AKAP19: variants seen among roughly 807,000 people sequenced by gnomAD.
The protein encoded by AKAP19 is A-kinase anchoring protein 19, also known as small A-kinase anchoring protein.
At chr2:190,108,786 T>TG in the AKAP19 span, among the ~76,000 whole-genome samples, 1 of 146,652 alleles carries the variant, frequency 6.8e-6, no homozygotes, top group East Asian at 1.9e-4. Flanking sequence ...GTTTGCGGTT[T>TG]TTTTTTTTTT....
the AKAP19 span, among the ~76,000 whole-genome samples, chr2:190,002,392 G>A: frequency 6.6e-6 from 1 of 152,000 alleles, no homozygotes; most frequent in Non-Finnish European, 1.5e-5. Context: ...ACTCCCATTA[G>A]TTTCTATTCA....
At chr2:190,055,004 T>C in the AKAP19 span, among the ~76,000 whole-genome samples, 1 of 152,192 alleles carries the variant, frequency 6.6e-6, no homozygotes, top group Non-Finnish European at 1.5e-5. Flanking sequence ...CTATAAATCA[T>C]GCTGCTATAA....
At chr2:189,916,447 G>A in the AKAP19 span, among the ~76,000 whole-genome samples, 1 of 150,576 alleles carries the variant, frequency 6.6e-6, no homozygotes, top group Non-Finnish European at 1.5e-5. Context: ...TCAGCCTCCT[G>A]AATAGCTCAG....
At chr2:190,166,905 A>G in the AKAP19 span, among the ~76,000 whole-genome samples, 1 of 152,080 alleles carries the variant, frequency 6.6e-6, no homozygotes, top group Admixed American at 6.5e-5. Flanking sequence ...AAGAAAGAAA[A>G]AAGAAAGAAA....
At chr2:190,146,248 A>G in the AKAP19 span, among the ~76,000 whole-genome samples, 1 of 152,132 alleles carries the variant, frequency 6.6e-6, no homozygotes, top group Non-Finnish European at 1.5e-5. Context: ...TTGGTTTTCC[A>G]TAACTGAGTT....
the AKAP19 span, among the ~76,000 whole-genome samples, chr2:189,945,280 A>C: frequency 6.6e-6 from 1 of 152,210 alleles, no homozygotes; most frequent in East Asian, 1.9e-4. Context: ...AAAACAAAAC[A>C]AAACAGTTCA....
At chr2:190,156,818 A>G in the AKAP19 span, among the ~76,000 whole-genome samples, 1 of 152,202 alleles carries the variant, frequency 6.6e-6, no homozygotes, top group African/African-American at 2.4e-5. Context: ...TCATTGTTTC[A>G]GTCTTTCAAA....
At chr2:190,143,058 G>A in the AKAP19 span, among the ~76,000 whole-genome samples, 1 of 152,086 alleles carries the variant, frequency 6.6e-6, no homozygotes, top group South Asian at 2.1e-4. Flanking sequence ...GGGCGGGGGT[G>A]TGTGATTTAG....
At chr2:189,924,161 A>G in the AKAP19 span, 1 of 1,610,220 alleles carries the variant, frequency 6.2e-7, no homozygotes, top group Non-Finnish European at 8.5e-7. Context: ...GATGAAAAAG[A>G]GGCTGAGGAA....
chr2:189,956,168 C>CTTTCTTTTCTTT, the AKAP19 span, among the ~76,000 whole-genome samples: 1 of 4,344 alleles, frequency 2.3e-4, no homozygotes, highest in African/African-American at 6.7e-4. Flanking sequence ...AGTATATTTT[C>CTTTCTTTTCTTT]TTTTTTTTCT....
chr2:190,078,283 C>G, the AKAP19 span, among the ~76,000 whole-genome samples: 6 of 152,176 alleles, frequency 3.9e-5, no homozygotes, highest in African/African-American at 1.4e-4. Context: ...GAATTATAGT[C>G]TTATGCTGCC....
the AKAP19 span, among the ~76,000 whole-genome samples, chr2:190,055,445 G>A: frequency 3.9e-5 from 6 of 151,988 alleles, no homozygotes; most frequent in South Asian, 6.3e-4. Context: ...AAACCTGCAC[G>A]TTGTGCACAT....
chr2:190,071,242 G>T, the AKAP19 span, among the ~76,000 whole-genome samples: 27 of 152,120 alleles, frequency 1.8e-4, no homozygotes, highest in African/African-American at 6.3e-4. Context: ...GAGGCCAGGA[G>T]TTCAAGACCA....
At chr2:189,911,108 G>A in the AKAP19 span, among the ~76,000 whole-genome samples, 8 of 152,046 alleles carry the variant, frequency 5.3e-5, no homozygotes, top group African/African-American at 1.9e-4. Context: ...AAGGTGGAAG[G>A]AAAGAAGACT....
the AKAP19 span, among the ~76,000 whole-genome samples, chr2:190,124,946 G>A: frequency 2.6e-5 from 4 of 151,950 alleles, no homozygotes; most frequent in African/African-American, 9.7e-5. Flanking sequence ...GGCCTACACA[G>A]GGTCAGAATC....
At chr2:190,023,801 A>G in the AKAP19 span, among the ~76,000 whole-genome samples, 7,306 of 136,272 alleles carry the variant, frequency 0.054, 222 homozygotes, top group African/African-American at 0.09. Flanking sequence ...GTGTGTATAT[A>G]TATATATATA....
chr2:190,104,342 TA>T, the AKAP19 span, among the ~76,000 whole-genome samples: 1 of 152,168 alleles, frequency 6.6e-6, no homozygotes, highest in Non-Finnish European at 1.5e-5. Context: ...AAGTAGGATG[TA>T]ATTAAACCAA....
chr2:189,969,875 T>C, the AKAP19 span, among the ~76,000 whole-genome samples: 5 of 142,974 alleles, frequency 3.5e-5, no homozygotes, highest in Middle Eastern at 3.5e-3. Flanking sequence ...TCTTCTTTTT[T>C]TTTTTTTTTT....
At chr2:189,900,296 C>A in the AKAP19 span, among the ~76,000 whole-genome samples, 8 of 151,162 alleles carry the variant, frequency 5.3e-5, no homozygotes, top group Non-Finnish European at 1.5e-5. Context: ...ACAAAGAATG[C>A]GACTTTTTTT....
Sources: gnomAD v4.1 joint callset for allele counts (sites outside exome capture counted in the v4.1 genomes callset) on GRCh38, gnomAD v4.1.1 for gene constraint, MANE v1.5 for transcripts, NCBI Gene and HGNC (gene_info 2026-07-23, HGNC 2026-07-21) for gene names.